Variants in BTBD2 observed in about 807,000 individuals in gnomAD.
BTBD2 encodes BTB domain containing 2, also known as BTB/POZ domain-containing protein 2.
A neutral mutation model predicts 44.0 loss-of-function variants in BTBD2; 15 were observed. The ratio of observed to expected loss-of-function variants is 0.34; its 90% CI spans 0.23 to 0.53. The LOEUF (loss-of-function observed/expected upper bound fraction) is 0.53. BTBD2 is among the 20% of genes least tolerant of loss of function. The probability of loss-of-function intolerance (pLI) is 0.95; values close to 1 mark genes in which losing one functional copy is unlikely to be tolerated. For missense variants in BTBD2, 657 were observed against 746.4 expected, an observed-to-expected ratio of 0.88 and a Z score of 1.39; for synonymous variants, 443 against 335.9, an observed-to-expected ratio of 1.32 and a Z score of -3.49.
At chr19:1,988,610 G>C (rs2016127837) in intron 5 of BTBD2, 1 of 150,458 alleles carries the variant, frequency 6.6e-6, no homozygotes, top group South Asian at 2.1e-4. Flanking sequence ...TTGTCCCCCA[G>C]GCTAGAGTGC....
chr19:2,006,088 T>TA (rs113126344), intron 1 of BTBD2, among the ~76,000 whole-genome samples: 2,638 of 134,492 alleles, frequency 0.02, 29 homozygotes, highest in Admixed American at 0.034. Flanking sequence ...ACCCTGTCTC[T>TA]AAAAAAAAAA....
chr19:1,993,803 C>A (rs1201656886), intron 2 of BTBD2, among the ~76,000 whole-genome samples: 1 of 149,962 alleles, frequency 6.7e-6, no homozygotes. Flanking sequence ...GCCAGACCAG[C>A]CTGGCCAACA....
At position 1,990,142 on chromosome 19, in the gene BTBD2, T is replaced by C; in HGVS notation, c.850A>G (p.Asn284Asp). The change falls in exon 5 of 9, where the codon AAT becomes GAT. Residue 284 changes from asparagine (N) to aspartate (D), a missense_variant. Asn to Asp is a conservative substitution (Grantham distance 23). Transcript: ENST00000255608. ...GCCTCGGACCAGCGGACAACGGCAT[T>C]GAACAGCCGCACCTCACGGATGCCC... ...TLGIREVRLF[N>D]AVVRWSEAEC... The C allele has an allele frequency of 1.9e-6, 3 of 1,611,818 alleles. No homozygotes were observed. The highest frequency in any genetic ancestry group is 8.5e-7 in the Non-Finnish European group (1 of 1,179,566).
intron 2 of BTBD2, among the ~76,000 whole-genome samples, chr19:1,994,444 T>A (rs1386453576): frequency 3.3e-5 from 5 of 151,688 alleles, no homozygotes. Flanking sequence ...AGTGTGGGCA[T>A]GGTGAGATCC....
intron 1 of BTBD2, among the ~76,000 whole-genome samples, chr19:2,012,822 C>G (rs925215134): frequency 2.6e-5 from 4 of 152,222 alleles, no homozygotes. Flanking sequence ...AGTGCAATCG[C>G]ATACATGTCC....
intron 2 of BTBD2, among the ~76,000 whole-genome samples, chr19:1,993,874 G>A (rs2016215059): frequency 6.6e-6 from 1 of 151,688 alleles, no homozygotes; most frequent in Non-Finnish European, 1.5e-5. Context: ...GTGGGCGCCT[G>A]TAGTCCCAGC....
intron 3 of BTBD2, chr19:1,991,279 C>A (rs2016174141): frequency 1.2e-5 from 2 of 164,744 alleles, no homozygotes; most frequent in East Asian, 3.7e-4. Flanking sequence ...CATCCCAAGA[C>A]AAACAGCAGA....
chr19:1,999,812 A>C (rs1466704325), intron 1 of BTBD2, among the ~76,000 whole-genome samples: 1 of 151,760 alleles, frequency 6.6e-6, no homozygotes, highest in Non-Finnish European at 1.5e-5. Flanking sequence ...AAATACAAAA[A>C]TTAGCTGGGC....
At chr19:1,997,011 C>G (rs962766834) in intron 2 of BTBD2, among the ~76,000 whole-genome samples, 1 of 151,946 alleles carries the variant, frequency 6.6e-6, no homozygotes, top group Non-Finnish European at 1.5e-5. Context: ...AACCCCATCT[C>G]TACTAAAAAT....
intron 1 of BTBD2, among the ~76,000 whole-genome samples, chr19:2,014,834 C>G (rs2016512028): frequency 7.2e-6 from 1 of 139,136 alleles, no homozygotes; most frequent in African/African-American, 2.8e-5. Context: ...CCTGGGATCC[C>G]GGGGAACAGG....
chr19:2,000,582 T>C (rs1002130440), intron 1 of BTBD2, among the ~76,000 whole-genome samples: 10 of 152,092 alleles, frequency 6.6e-5, no homozygotes, highest in Non-Finnish European at 1.3e-4. Context: ...TGGAGACACC[T>C]GCATGGGCCT....
At chr19:1,994,733 A>G (rs1439444590) in intron 2 of BTBD2, among the ~76,000 whole-genome samples, 1 of 152,030 alleles carries the variant, frequency 6.6e-6, no homozygotes, top group Non-Finnish European at 1.5e-5. Flanking sequence ...CACTCCAGCC[A>G]TGGTGGCAGA....
chr19:2,010,643 CTT>C (rs538078810), intron 1 of BTBD2, among the ~76,000 whole-genome samples: 8 of 145,436 alleles, frequency 5.5e-5, no homozygotes, highest in Admixed American at 6.9e-5. Flanking sequence ...ATCCCCCCAC[CTT>C]TTTTTTTTTT....
chr19:1,993,040 C>T lies in BTBD2; in HGVS notation c.664G>A (p.Ala222Thr), dbSNP rs2145626284. 6.4e-7 allele frequency: 1 copy of T among 1,572,904 alleles called. No homozygotes were observed. Reference sequence around the variant, plus strand: ...CCCACCTGCGTGAGCAGCATGAAGGCGTTGTCGGCTCGCAGGTTCTTCTTC... The same window carrying T: ...CCCACCTGCGTGAGCAGCATGAAGGTGTTGTCGGCTCGCAGGTTCTTCTTC... The part of the protein sequence containing the change: ...FLKKNLRADN[A>T]FMLLTQARLF... The change falls in exon 3 of 9, where the codon GCC becomes ACC. Residue 222 changes from alanine to threonine, a missense_variant. Ala to Thr is a moderately conservative substitution (Grantham distance 58). Around this residue, in one of 3 missense-constraint regions of BTBD2, gnomAD observed 449 missense variants for 510.9 expected, o/e 0.88. Transcript: ENST00000255608.
intron 2 of BTBD2, 64 bp from the exon 3 acceptor site, chr19:1,993,240 C>T (rs1158884920): frequency 6.5e-7 from 1 of 1,537,198 alleles, no homozygotes. Flanking sequence ...GGGAGAGCGT[C>T]AGGGGACCAC....
At chr19:1,997,163 G>C (rs938240651) in intron 2 of BTBD2, among the ~76,000 whole-genome samples, 181 bp downstream of exon 2, 14 of 151,914 alleles carry the variant, frequency 9.2e-5, no homozygotes, top group African/African-American at 3.4e-4. Flanking sequence ...CTGGGCAACA[G>C]AGCGAGACTC....
chr19:2,007,977 G>A (rs919168690), intron 1 of BTBD2, among the ~76,000 whole-genome samples: 1 of 151,910 alleles, frequency 6.6e-6, no homozygotes, highest in Admixed American at 6.6e-5. Context: ...TTCTAGAAGA[G>A]TAATAAATGT....
intron 2 of BTBD2, among the ~76,000 whole-genome samples, chr19:1,995,251 G>A (rs1353029740): frequency 1.4e-5 from 2 of 148,124 alleles, no homozygotes; most frequent in Admixed American, 6.8e-5. Context: ...ACAGGTGTGA[G>A]CCACCGCGCC....
rs138535158 is a variant in BTBD2, at chr19:1,989,396, G to A, written c.988+608C>T. 491 of 154,920 alleles carry A rather than the reference G, an allele frequency of 3.2e-3. 1 individual carries two copies. Among genetic ancestry groups the A allele is most frequent in the African/African-American group, 0.011 (453 of 41,598 alleles). 9.6% of individuals were successfully genotyped at this position (154,920 alleles called of 1,614,324 possible). On this transcript the variant is annotated intron_variant, in intron 5 of 8. Transcript: ENST00000255608. ...CAGAGACCCTCTTGCTAAATCTGGC[G>A]ACCTTCAGCTAAGCAAGAGCGGGGG...
Sources: allele counts gnomAD v4.1 joint callset (sites outside exome capture counted in the v4.1 genomes callset), GRCh38; gene constraint gnomAD v4.1.1; regional missense constraint gnomAD v4.1.1; transcripts MANE v1.5; gene names NCBI Gene and HGNC (gene_info 2026-07-23, HGNC 2026-07-21).